The following AKAP12 variants were observed in gnomAD, a reference collection of about 807,000 sequenced individuals.
AKAP12 encodes A-kinase anchoring protein 12.
AKAP12 carries 32 observed loss-of-function variants against 79.9 expected under a neutral mutation model. That is an observed-to-expected ratio of 0.40 (90% CI 0.30 to 0.54). AKAP12 has a LOEUF of 0.54. Among genes scored for constraint, AKAP12 ranks in the 20% least tolerant of loss-of-function variants. The pLI is 0.48. For synonymous variants in AKAP12, 808 were observed against 857.0 expected, an observed-to-expected ratio of 0.94 and a Z score of 1.00; for missense variants, 2,074 against 2,177.0, an observed-to-expected ratio of 0.95 and a Z score of 0.94.
chr6:151,355,109 C>T (rs566202568), intron 4 of AKAP12, among the ~76,000 whole-genome samples: 21 of 152,174 alleles, frequency 1.4e-4, no homozygotes, highest in Non-Finnish European at 2.6e-4. Context: ...GATCCTCCTG[C>T]CTCAGCCTCC....
At chr6:151,270,920 C>T (rs979951379) in intron 2 of AKAP12, among the ~76,000 whole-genome samples, 10 of 152,130 alleles carry the variant, frequency 6.6e-5, no homozygotes, top group African/African-American at 2.4e-4. Context: ...ATTATGCACT[C>T]GTAGCAATCG....
At chr6:151,326,292 T>C (rs1200299989) in intron 3 of AKAP12, among the ~76,000 whole-genome samples, 1 of 152,216 alleles carries the variant, frequency 6.6e-6, no homozygotes, top group Non-Finnish European at 1.5e-5. Flanking sequence ...GCCGTAGTCA[T>C]AGACAGAATA....
intron 3 of AKAP12, among the ~76,000 whole-genome samples, chr6:151,311,425 G>A (rs1328269220): frequency 1.3e-5 from 2 of 152,206 alleles, no homozygotes; most frequent in African/African-American, 2.4e-5. Context: ...GATGAACCAG[G>A]CCTTGTTACA....
chr6:151,328,632 G>A (rs990397781), intron 3 of AKAP12, among the ~76,000 whole-genome samples: 263 of 112,832 alleles, frequency 2.3e-3, no homozygotes, highest in African/African-American at 0.012. Flanking sequence ...GCAAGACTCC[G>A]TCTCAAAAAA....
At chr6:151,251,735 G>A (rs749177911) in intron 2 of AKAP12, among the ~76,000 whole-genome samples, 4 of 152,186 alleles carry the variant, frequency 2.6e-5, no homozygotes, top group Non-Finnish European at 5.9e-5. Context: ...AGTGGCGCAC[G>A]CCTGTAATCC....
At chr6:151,328,972 A>T (rs1169680619) in intron 3 of AKAP12, among the ~76,000 whole-genome samples, 1 of 152,194 alleles carries the variant, frequency 6.6e-6, no homozygotes, top group Non-Finnish European at 1.5e-5. Context: ...ATGATTGCTT[A>T]TTCACATTAC....
At position 151,348,992 on chromosome 6, in the gene AKAP12, G is replaced by A. The variant is rs764783901; in HGVS notation, c.601G>A (p.Val201Met). 1.2e-6 allele frequency: 2 copies of A among 1,614,126 alleles called. No homozygotes were observed. The highest frequency in any genetic ancestry group is 1.7e-5 in the Admixed American group (1 of 60,020). Residue 201 changes from valine to methionine, a missense_variant, in exon 4 of 5, where the codon GTG becomes ATG. Val to Met is a conservative substitution (Grantham distance 21). Transcript: ENST00000402676. ...EKPDTVQLLT[V>M]KKDEGEGAAG... is the part of the protein sequence containing the mutation. ...GCCTGACACTGTCCAGCTACTCACT[G>A]TGAAGAAAGATGAAGGGGAGGGAGC...
At chr6:151,273,012 ATTC>A (rs1776221254) in intron 2 of AKAP12, among the ~76,000 whole-genome samples, 1 of 152,158 alleles carries the variant, frequency 6.6e-6, no homozygotes, top group Non-Finnish European at 1.5e-5. Flanking sequence ...GGTTCACACC[ATTC>A]TTCTGCCTCA....
chr6:151,293,819 G>A (rs1776667104), intron 2 of AKAP12, among the ~76,000 whole-genome samples: 1 of 152,138 alleles, frequency 6.6e-6, no homozygotes, highest in Non-Finnish European at 1.5e-5. Context: ...TCCCCTGAGA[G>A]GACACCCAGT....
At chr6:151,334,779 G>A (rs1052698521) in intron 3 of AKAP12, among the ~76,000 whole-genome samples, 1 of 151,240 alleles carries the variant, frequency 6.6e-6, no homozygotes, top group Non-Finnish European at 1.5e-5. Context: ...CCGCCACCAT[G>A]TTCGGCTGAT....
chr6:151,319,547 G>GATATAT (rs202149683), intron 3 of AKAP12: 3 of 105,172 alleles, frequency 2.9e-5, no homozygotes, highest in Admixed American at 1.7e-4. Context: ...TATAGATATA[G>GATATAT]ATATATATAT....
chr6:151,285,645 A>G (rs1476981516), intron 2 of AKAP12, among the ~76,000 whole-genome samples: 3 of 152,272 alleles, frequency 2.0e-5, no homozygotes, highest in African/African-American at 7.2e-5. Context: ...GTAAACAAAA[A>G]CAAAAAAATT....
chr6:151,326,309 T>A (rs568632989), intron 3 of AKAP12, among the ~76,000 whole-genome samples: 3 of 152,198 alleles, frequency 2.0e-5, no homozygotes, highest in African/African-American at 7.2e-5. Flanking sequence ...AATACATTCC[T>A]CTTCTGGGCA....
intron 2 of AKAP12, among the ~76,000 whole-genome samples, chr6:151,301,392 C>G (rs1285751349): frequency 1.3e-5 from 2 of 152,168 alleles, no homozygotes; most frequent in East Asian, 3.8e-4. Context: ...TGTATATATA[C>G]ACACGTAGAA....
rs747366364 is a variant in AKAP12 at position 151,305,888 on chromosome 6, G to A, written c.304G>A (p.Val102Ile). Residue 102 changes from valine (V) to isoleucine (I), a missense_variant, in exon 3 of 5, where the codon GTC becomes ATC. Physicochemically the swap from Val to Ile is conservative, Grantham distance 29. Coordinates refer to ENST00000402676, the MANE Select transcript of AKAP12 (RefSeq NM_005100.4). ...GALNSQEEEE[V>I]IVTEVGQRDS... ...CCTAAACAGCCAGGAGGAAGAAGAAGTCATTGTCACAGAGGGTAAGCCGCC... is the reference window on the plus strand; with the variant it reads ...CCTAAACAGCCAGGAGGAAGAAGAAATCATTGTCACAGAGGGTAAGCCGCC... 2 of 1,611,210 alleles carry A rather than the reference G, an allele frequency of 1.2e-6. No homozygotes were observed. The highest frequency in any genetic ancestry group is 1.7e-5 in the Admixed American group (1 of 59,470).
intron 3 of AKAP12, among the ~76,000 whole-genome samples, chr6:151,318,596 G>T (rs905873513): frequency 1.3e-5 from 2 of 152,054 alleles, no homozygotes; most frequent in Non-Finnish European, 2.9e-5. Context: ...ACGTGAATCC[G>T]TTTCCATTCA....
chr6:151,305,495 T>TGAAA (rs1776959238), intron 2 of AKAP12, among the ~76,000 whole-genome samples: 4 of 152,318 alleles, frequency 2.6e-5, no homozygotes, highest in Admixed American at 2.6e-4. Flanking sequence ...TGTATGTATC[T>TGAAA]GGTGTTCCAA....
At chr6:151,257,455 C>G (rs1797324905) in intron 2 of AKAP12, among the ~76,000 whole-genome samples, 1 of 152,126 alleles carries the variant, frequency 6.6e-6, no homozygotes, top group South Asian at 2.1e-4. Flanking sequence ...CACCACCACG[C>G]CTGGCTAATT....
intron 2 of AKAP12, among the ~76,000 whole-genome samples, chr6:151,270,418 C>T (rs1487202388): frequency 1.3e-5 from 2 of 152,192 alleles, no homozygotes; most frequent in African/African-American, 4.8e-5. Context: ...TTTATTTATC[C>T]ATGCAGCAGT....
Sources: gnomAD v4.1 joint callset for allele counts (sites outside exome capture counted in the v4.1 genomes callset) on GRCh38, gnomAD v4.1.1 for gene constraint, MANE v1.5 for transcripts, NCBI Gene and HGNC (gene_info 2026-07-23, HGNC 2026-07-21) for gene names.